The following HS6ST3 variants were observed in gnomAD, a reference collection of about 807,000 sequenced individuals.
HS6ST3 encodes the protein heparan-sulfate 6-O-sulfotransferase 3.
HS6ST3 carries 12 observed loss-of-function variants against 36.7 expected under a neutral mutation model. The observed-to-expected ratio is 0.33, with a 90% CI of 0.21 to 0.53. HS6ST3 has a LOEUF of 0.53. Ranked by LOEUF, HS6ST3 falls within the 20% of genes least tolerant of loss-of-function variation. HS6ST3 has a pLI of 0.95. For synonymous variants in HS6ST3, 240 were observed against 257.5 expected (o/e 0.93, Z 0.65); for missense variants, 584 against 640.9 (o/e 0.91, Z 0.96).
intron 1 of HS6ST3, among the ~76,000 whole-genome samples, chr13:96,165,048 T>C (rs2054154092): frequency 6.6e-6 from 1 of 152,220 alleles, no homozygotes; most frequent in Admixed American, 6.5e-5. Flanking sequence ...TGATTTTTTG[T>C]CTTATATTTT....
intron 1 of HS6ST3, among the ~76,000 whole-genome samples, chr13:96,305,665 C>G (rs1039577238): frequency 5.9e-5 from 9 of 152,020 alleles, no homozygotes; most frequent in Admixed American, 3.9e-4. Flanking sequence ...GTTTAACATC[C>G]TCAGTAGTTA....
intron 1 of HS6ST3, among the ~76,000 whole-genome samples, chr13:96,647,341 C>T (rs1049098794): frequency 6.6e-6 from 1 of 152,006 alleles, no homozygotes; most frequent in Non-Finnish European, 1.5e-5. Context: ...TTATCCACAA[C>T]GTGAGTTGCA....
At position 96,333,592 on chromosome 13, in the gene HS6ST3, G is replaced by C. The variant is rs114667744; in HGVS notation, c.707+242023G>C. 3.3e-3 allele frequency among the ~76,000 whole-genome samples: 501 copies of C among 152,300 alleles called. 3 individuals carry two copies. The highest frequency in any genetic ancestry group is 0.012 in the African/African-American group (480 of 41,564). On this transcript the variant is annotated intron_variant, in intron 1 of 1. Coordinates refer to ENST00000376705, the MANE Select transcript of HS6ST3 (RefSeq NM_153456.4). ...CTGACAAGCTTTTGGAGTAGCAATA[G>C]TTCTGGGATATGCAGGAGAAATACA...
At chr13:96,772,981 G>A (rs182573930) in intron 1 of HS6ST3, among the ~76,000 whole-genome samples, 1 of 152,284 alleles carries the variant, frequency 6.6e-6, no homozygotes, top group Non-Finnish European at 1.5e-5. Context: ...TCATCTCACT[G>A]GGACTGGTTA....
At position 96,275,550 on chromosome 13, in the gene HS6ST3, G is replaced by C. The variant is rs570673582; in HGVS notation, c.707+183981G>C. On this transcript the variant is annotated intron_variant, in intron 1 of 1. Transcript: ENST00000376705. ...TCTATAGAAATTTCTAATCACAATAGAACAATGTTTCCAAAGTCATGGTAT... is the reference window on the plus strand; with the variant it reads ...TCTATAGAAATTTCTAATCACAATACAACAATGTTTCCAAAGTCATGGTAT... 2.0e-5 allele frequency among the ~76,000 whole-genome samples: 3 copies of C among 152,156 alleles called. No individual in the cohort carries two copies. The East Asian group carries it at 5.8e-4, about 29-fold the overall frequency.
chr13:96,545,965 C>T (rs1199389627), intron 1 of HS6ST3, among the ~76,000 whole-genome samples: 3 of 152,104 alleles, frequency 2.0e-5, no homozygotes, highest in Non-Finnish European at 2.9e-5. Context: ...AGCACAGTGC[C>T]TGGCACATAG....
chr13:96,544,243 G>T (rs141064436), intron 1 of HS6ST3, among the ~76,000 whole-genome samples: 84 of 152,232 alleles, frequency 5.5e-4, no homozygotes, highest in African/African-American at 2.0e-3. Context: ...TCACTGACAG[G>T]GATACTTATA....
At chr13:96,449,735 G>C (rs1328225312) in intron 1 of HS6ST3, among the ~76,000 whole-genome samples, 1 of 152,094 alleles carries the variant, frequency 6.6e-6, no homozygotes, top group East Asian at 1.9e-4. Flanking sequence ...TAACAATATA[G>C]ATGTTCATTA....
chr13:96,722,987 A>ATGTG (rs1566438454), intron 1 of HS6ST3, among the ~76,000 whole-genome samples: 1 of 122,666 alleles, frequency 8.2e-6, no homozygotes, highest in Non-Finnish European at 1.6e-5. Context: ...AAAAAAATAT[A>ATGTG]CGTGTGTGTG....
At chr13:96,372,697 A>C (rs751760328) in intron 1 of HS6ST3, among the ~76,000 whole-genome samples, 8 of 152,152 alleles carry the variant, frequency 5.3e-5, no homozygotes, top group African/African-American at 1.4e-4. Context: ...ATTTTTTTGC[A>C]TGTGAGATAA....
chr13:96,156,771 G>T (rs575851496), intron 1 of HS6ST3, among the ~76,000 whole-genome samples: 1 of 152,252 alleles, frequency 6.6e-6, no homozygotes, highest in East Asian at 1.9e-4. Flanking sequence ...TAAATAACTT[G>T]ATAAATCATA....
intron 1 of HS6ST3, among the ~76,000 whole-genome samples, chr13:96,271,194 G>T (rs1368735143): frequency 6.6e-6 from 1 of 151,870 alleles, no homozygotes; most frequent in East Asian, 1.9e-4. Flanking sequence ...GATATTGAAT[G>T]TCGAGTTGGA....
chr13:96,788,034 TTCACCTTTGTCAAAAATCAGTTGAACA>T (rs1255888973), intron 1 of HS6ST3, among the ~76,000 whole-genome samples: 1 of 151,990 alleles, frequency 6.6e-6, no homozygotes, highest in Admixed American at 6.6e-5. Context: ...TAATTGTTTT[TTCACCTTTGTCAAAAATCAGTTGAACA>T]TACTTGTGCA....
intron 1 of HS6ST3, among the ~76,000 whole-genome samples, chr13:96,207,821 G>GACT (rs2139355608): frequency 6.6e-6 from 1 of 152,182 alleles, no homozygotes; most frequent in Non-Finnish European, 1.5e-5. Context: ...CACACACTAG[G>GACT]GCCTGTAAGT....
chr13:96,255,885 A>G (rs1235859659), intron 1 of HS6ST3, among the ~76,000 whole-genome samples: 2 of 152,182 alleles, frequency 1.3e-5, no homozygotes, highest in Non-Finnish European at 2.9e-5. Flanking sequence ...TTGAAGGCAC[A>G]ATGTTTGACC....
At chr13:96,784,044 A>G (rs1877583887) in intron 1 of HS6ST3, among the ~76,000 whole-genome samples, 1 of 151,566 alleles carries the variant, frequency 6.6e-6, no homozygotes, top group South Asian at 2.1e-4. Flanking sequence ...TAGCTCTTTG[A>G]TTCATCACTA....
intron 1 of HS6ST3, among the ~76,000 whole-genome samples, chr13:96,685,539 A>G (rs1874751756): frequency 6.6e-6 from 1 of 152,056 alleles, no homozygotes; most frequent in Non-Finnish European, 1.5e-5. Context: ...AATGAACCTG[A>G]CATCATGAGC....
chr13:96,207,016 A>G (rs1444787533), intron 1 of HS6ST3, among the ~76,000 whole-genome samples: 1 of 152,192 alleles, frequency 6.6e-6, no homozygotes, highest in Non-Finnish European at 1.5e-5. Context: ...ATGAGAGTGA[A>G]CAGACAGCCT....
intron 1 of HS6ST3, among the ~76,000 whole-genome samples, chr13:96,128,967 TC>T (rs1382204398): frequency 6.6e-6 from 1 of 151,976 alleles, no homozygotes; most frequent in Non-Finnish European, 1.5e-5. Context: ...TGCGTCAGCC[TC>T]CCTAGTAGCT....
Sources: allele counts gnomAD v4.1 joint callset (sites outside exome capture counted in the v4.1 genomes callset), GRCh38; gene constraint gnomAD v4.1.1; transcripts MANE v1.5; gene names NCBI Gene and HGNC (gene_info 2026-07-23, HGNC 2026-07-21).